Variants in PSTPIP2 observed in about 807,000 individuals in gnomAD.
PSTPIP2 encodes proline-serine-threonine phosphatase interacting protein 2, also known as proline-serine-threonine phosphatase-interacting protein 2.
A neutral mutation model predicts 63.3 loss-of-function variants in PSTPIP2; 33 were observed. The ratio of observed to expected loss-of-function variants is 0.52; its 90% confidence interval spans 0.40 to 0.70. The LOEUF is 0.70. PSTPIP2 is among the 30% of genes least tolerant of loss of function. The probability of loss-of-function intolerance (pLI) is 0.00; values close to 1 mark genes in which losing one functional copy is unlikely to be tolerated. For missense variants in PSTPIP2, 312 were observed against 400.7 expected (o/e 0.78, Z 1.89); for synonymous variants, 125 against 132.7 (o/e 0.94, Z 0.40).
intron 6 of PSTPIP2, among the ~76,000 whole-genome samples, chr18:45,999,969 T>C (rs919641631): frequency 4.6e-5 from 7 of 151,984 alleles, no homozygotes; most frequent in Non-Finnish European, 8.8e-5. Flanking sequence ...TGAAACCCCA[T>C]CTCTACAAAA....
At position 45,999,481 on chromosome 18, in the gene PSTPIP2, GGCCTGTTCT is replaced by G; in HGVS notation, c.462_470del (p.Glu155_Ala157del). The stretch of plus-strand genomic sequence containing the variant: ...TCACCAGGTTGGCACTCCGGCTGAC[GGCCTGTTCT>G]GCCTCATCTTTGTCCCGGCATTTCT... On this transcript the variant is annotated inframe_deletion, in exon 7 of 15. Transcript: ENST00000409746. The G allele has an allele frequency of 6.2e-7, 1 of 1,614,176 alleles. No individual in the cohort carries two copies.
chr18:45,996,614 T>C (rs1333574247), intron 9 of PSTPIP2, among the ~76,000 whole-genome samples: 3 of 150,278 alleles, frequency 2.0e-5, no homozygotes, highest in Non-Finnish European at 3.0e-5. Context: ...AAATTGAAGG[T>C]ATGAGGAGAG....
At chr18:46,035,614 T>C (rs1907945011) in intron 2 of PSTPIP2, among the ~76,000 whole-genome samples, 2 of 151,952 alleles carry the variant, frequency 1.3e-5, no homozygotes, top group South Asian at 2.1e-4. Flanking sequence ...CTGGCTGAAA[T>C]AGAGAGAATG....
At chr18:46,043,083 C>T (rs1908248619) in intron 1 of PSTPIP2, among the ~76,000 whole-genome samples, 1 of 151,916 alleles carries the variant, frequency 6.6e-6, no homozygotes, top group Admixed American at 6.6e-5. Context: ...AGAGTTTCCT[C>T]ATCCTTAATT....
chr18:46,040,677 C>G (rs574274135), intron 1 of PSTPIP2, among the ~76,000 whole-genome samples: 2 of 152,230 alleles, frequency 1.3e-5, no homozygotes, highest in South Asian at 4.1e-4. Flanking sequence ...GTGAGCAGAC[C>G]CAAGTTCAGT....
chr18:46,028,775 T>TG (rs1907684871), intron 2 of PSTPIP2: 2 of 1,121,704 alleles, frequency 1.8e-6, no homozygotes, highest in Middle Eastern at 2.0e-4. Context: ...CAGCATGCCG[T>TG]GGGAGGAGTA....
chr18:45,989,406 C>T (rs2144056358), intron 13 of PSTPIP2, among the ~76,000 whole-genome samples: 1 of 152,258 alleles, frequency 6.6e-6, no homozygotes, highest in South Asian at 2.1e-4. Context: ...CTCTTGCCAC[C>T]ACCATGTAAG....
chr18:45,992,310 C>T (rs145636284), intron 10 of PSTPIP2, 108 bp from the exon 11 acceptor site: 4 of 932,596 alleles, frequency 4.3e-6, no homozygotes, highest in East Asian at 5.3e-5. Flanking sequence ...TGTCTGTAAT[C>T]CCAGCATTTT....
intron 6 of PSTPIP2, among the ~76,000 whole-genome samples, chr18:46,003,955 G>A (rs939221623): frequency 2.7e-5 from 4 of 150,394 alleles, no homozygotes; most frequent in Non-Finnish European, 4.4e-5. Flanking sequence ...TAGTAGAGTC[G>A]CGGTTTTGCC....
chr18:46,045,339 T>C (rs924331899), intron 1 of PSTPIP2, among the ~76,000 whole-genome samples: 3 of 152,180 alleles, frequency 2.0e-5, no homozygotes, highest in Non-Finnish European at 2.9e-5. Flanking sequence ...CCATAAAAAA[T>C]GATGAGTTCA....
intron 2 of PSTPIP2, among the ~76,000 whole-genome samples, chr18:46,034,973 A>G (rs536067034): frequency 1.7e-4 from 26 of 152,288 alleles, no homozygotes; most frequent in African/African-American, 6.3e-4. Context: ...TTTTCTGCTC[A>G]TATCAGGAGC....
chr18:45,988,234 T>C (rs4890309), intron 14 of PSTPIP2, among the ~76,000 whole-genome samples: 36,401 of 151,640 alleles, frequency 0.24, 6,259 homozygotes, highest in African/African-American at 0.47. Flanking sequence ...GAGTTCAACA[T>C]CAGCCTGGCC....
intron 1 of PSTPIP2, among the ~76,000 whole-genome samples, chr18:46,052,709 TG>T (rs1354668887): frequency 6.6e-6 from 1 of 152,234 alleles, no homozygotes; most frequent in East Asian, 1.9e-4. Context: ...TCTTCACACT[TG>T]GATTTTCCCA....
chr18:46,013,112 A>AT (rs2051817844), intron 4 of PSTPIP2, among the ~76,000 whole-genome samples: 2 of 151,440 alleles, frequency 1.3e-5, no homozygotes, highest in South Asian at 2.1e-4. Flanking sequence ...AATAAAACTT[A>AT]TTTTTTTAGA....
At chr18:46,069,454 C>A (rs1909312530) in intron 1 of PSTPIP2, among the ~76,000 whole-genome samples, 2 of 152,138 alleles carry the variant, frequency 1.3e-5, no homozygotes. Context: ...CAATAGCAGG[C>A]AAATTCATTG....
chr18:46,024,734 T>C, intron 2 of PSTPIP2, 48 bp from the exon 3 acceptor site: 1 of 1,487,082 alleles, frequency 6.7e-7, no homozygotes, highest in Non-Finnish European at 9.4e-7. Flanking sequence ...GAGCTGACTC[T>C]TTGTTAAGAC....
rs142150601 is a variant in PSTPIP2, at chr18:46,029,655, A to G, written c.135-4969T>C. ...ATTCTCTGACATTCAATCCTACTACAGAAATATTGGCAATTGCTTCAGGAA... is the reference window on the plus strand; with the variant it reads ...ATTCTCTGACATTCAATCCTACTACGGAAATATTGGCAATTGCTTCAGGAA... On this transcript the variant is annotated intron_variant, in intron 2 of 14. Transcript: ENST00000409746. 1.4e-4 allele frequency: 100 copies of G among 736,706 alleles called. No homozygotes were observed. In the African/African-American group the frequency reaches 1.5e-3, roughly 11 times the overall value. The allele number at this position is 736,706 out of a possible 1,614,324, so 45.6% of individuals were successfully genotyped here. A position where few individuals can be genotyped will look rare whatever the true frequency, so the allele number is the denominator to read the frequency against.
intron 2 of PSTPIP2, among the ~76,000 whole-genome samples, chr18:46,030,383 G>A (rs1057061624): frequency 6.6e-6 from 1 of 152,080 alleles, no homozygotes; most frequent in Non-Finnish European, 1.5e-5. Context: ...TAAGAGGATA[G>A]AGATATGAAA....
chr18:45,986,943 T>A (rs1273736212), intron 14 of PSTPIP2, among the ~76,000 whole-genome samples: 1 of 152,198 alleles, frequency 6.6e-6, no homozygotes, highest in Non-Finnish European at 1.5e-5. Context: ...GTTCGAGTGA[T>A]TCTCCTGCCT....
Sources: gnomAD v4.1 joint callset for allele counts (sites outside exome capture counted in the v4.1 genomes callset) on GRCh38, gnomAD v4.1.1 for gene constraint, MANE v1.5 for transcripts, NCBI Gene and HGNC (gene_info 2026-07-23, HGNC 2026-07-21) for gene names.